INSC: variants seen among roughly 807,000 people sequenced by gnomAD.
INSC encodes the protein INSC spindle orientation adaptor protein.
Under a neutral mutation model 58.6 loss-of-function variants are expected in INSC, and 67 were observed. That is an observed-to-expected ratio of 1.14 (90% CI 0.94 to 1.40). INSC has a LOEUF of 1.40. Among genes scored for constraint, INSC ranks in the 40% most tolerant of loss-of-function variants. INSC has a pLI of 0.00. For missense variants in INSC, 714 were observed against 692.0 expected (o/e 1.03, Z -0.36); for synonymous variants, 262 against 276.1 (o/e 0.95, Z 0.51).
chr11:15,221,154 T>C (rs1045764080), intron 7 of INSC, among the ~76,000 whole-genome samples: 4 of 152,016 alleles, frequency 2.6e-5, no homozygotes, highest in African/African-American at 9.7e-5. Context: ...TAAGTGACTG[T>C]TCTTTCTATG....
chr11:15,237,276 G>C (rs1852167629), intron 10 of INSC, among the ~76,000 whole-genome samples: 1 of 152,218 alleles, frequency 6.6e-6, no homozygotes, highest in Admixed American at 6.5e-5. Context: ...TAATGCAACA[G>C]AGGGAGGTTG....
At chr11:15,250,408 G>A (rs1285660457), downstream of INSC, among the ~76,000 whole-genome samples, 1 of 152,208 alleles carries the variant, frequency 6.6e-6, no homozygotes, top group East Asian at 1.9e-4. Flanking sequence ...CTGTGCAAAT[G>A]TAAGTTGTTG....
chr11:15,236,055 C>CAAA (rs66649068), intron 10 of INSC, among the ~76,000 whole-genome samples: 32 of 99,026 alleles, frequency 3.2e-4, no homozygotes, highest in Non-Finnish European at 4.3e-4. Context: ...GACTCTGTCT[C>CAAA]AAAAAAAAAA....
At chr11:15,258,865 A>AT in the INSC span, among the ~76,000 whole-genome samples, 1,310 of 152,310 alleles carry the variant, frequency 8.6e-3, 20 homozygotes, top group African/African-American at 0.03. Flanking sequence ...CTAGGGTATA[A>AT]TTAACAATCA....
chr11:15,247,506 T>C (rs1184586840), downstream of INSC, among the ~76,000 whole-genome samples: 2 of 152,102 alleles, frequency 1.3e-5, no homozygotes, highest in Non-Finnish European at 2.9e-5. Flanking sequence ...ATTATTACGA[T>C]AGAAAACACT....
At chr11:15,208,775 G>C (rs918621740) in intron 7 of INSC, among the ~76,000 whole-genome samples, 1 of 152,190 alleles carries the variant, frequency 6.6e-6, no homozygotes, top group Non-Finnish European at 1.5e-5. Flanking sequence ...ATCCGCAGAG[G>C]CTCGGTGGGA....
At chr11:15,167,379 T>C (rs1849237038) in intron 2 of INSC, among the ~76,000 whole-genome samples, 1 of 152,118 alleles carries the variant, frequency 6.6e-6, no homozygotes, top group Non-Finnish European at 1.5e-5. Context: ...ATTTGTTCTA[T>C]GTTTTCTTCT....
At chr11:15,171,653 T>G (rs1298055747) in intron 2 of INSC, among the ~76,000 whole-genome samples, 1 of 152,206 alleles carries the variant, frequency 6.6e-6, no homozygotes, top group Non-Finnish European at 1.5e-5. Flanking sequence ...AGATCCTTAC[T>G]CTAAGAAGAA....
At chr11:15,175,707 T>A in intron 2 of INSC, 34 bp from the exon 3 acceptor site, 3 of 1,484,498 alleles carry the variant, frequency 2.0e-6, no homozygotes, top group Middle Eastern at 1.8e-4. Context: ...CATGGGGTGT[T>A]GATAATTATC....
At chr11:15,262,438 T>C in the INSC span, among the ~76,000 whole-genome samples, 4 of 152,222 alleles carry the variant, frequency 2.6e-5, no homozygotes, top group South Asian at 6.2e-4. Context: ...CTGGACATAC[T>C]GAGTCCGAAG....
chr11:15,122,804 A>G (rs1334397097), intron 1 of INSC, among the ~76,000 whole-genome samples: 1 of 152,114 alleles, frequency 6.6e-6, no homozygotes, highest in East Asian at 1.9e-4. Flanking sequence ...TTATATCCAC[A>G]CTGGCTCCCC....
At position 15,243,302 on chromosome 11, in the gene INSC, G is replaced by C. The variant is rs78446590; in HGVS notation, c.1471-2610G>C. On this transcript the variant is annotated intron_variant, in intron 12 of 12. Coordinates refer to ENST00000379556, the MANE Select transcript of INSC (RefSeq NM_001042536.3). ...CCCAAGGCGTTTCCCAGCTTCAAAG[G>C]CTCCCTTCAGGTAGAGGGAGGAAGT... is the stretch of plus-strand genomic sequence containing the variant. Among the ~76,000 whole-genome samples the C allele has an allele frequency of 6.2e-3, 951 of 152,236 alleles. 8 individuals carry two copies. The highest frequency in any genetic ancestry group is 0.022 in the African/African-American group (901 of 41,548).
chr11:15,147,638 G>A (rs1466659065), intron 1 of INSC, among the ~76,000 whole-genome samples: 1 of 152,034 alleles, frequency 6.6e-6, no homozygotes, highest in Admixed American at 6.5e-5. Context: ...CTATGTGCCT[G>A]GCCCTTGGCT....
At chr11:15,229,372 T>C (rs1851759775) in intron 9 of INSC, among the ~76,000 whole-genome samples, 1 of 152,210 alleles carries the variant, frequency 6.6e-6, no homozygotes, top group Non-Finnish European at 1.5e-5. Flanking sequence ...GTCTCACATC[T>C]CAAAATCTCT....
intron 1 of INSC, among the ~76,000 whole-genome samples, chr11:15,146,548 C>CA (rs991685431): frequency 3.9e-5 from 6 of 152,112 alleles, no homozygotes; most frequent in African/African-American, 1.4e-4. Flanking sequence ...AGCTATGGGT[C>CA]AAAAAGATGA....
At chr11:15,195,644 C>T (rs1850344926) in intron 6 of INSC, among the ~76,000 whole-genome samples, 1 of 152,182 alleles carries the variant, frequency 6.6e-6, no homozygotes, top group African/African-American at 2.4e-5. Context: ...TGTTTGACCT[C>T]CTGCAGATTT....
At chr11:15,268,437 T>A in the INSC span, among the ~76,000 whole-genome samples, 1 of 152,086 alleles carries the variant, frequency 6.6e-6, no homozygotes, top group Admixed American at 6.6e-5. Flanking sequence ...GACTGTTCCA[T>A]TTAAATAGAT....
intron 7 of INSC, among the ~76,000 whole-genome samples, chr11:15,209,949 AG>A (rs1278975445): frequency 2.0e-5 from 3 of 152,218 alleles, no homozygotes; most frequent in Admixed American, 2.0e-4. Flanking sequence ...ATTTGCCCTG[AG>A]CCCCTGTTTG....
chr11:15,159,618 A>G (rs1283641014), intron 2 of INSC, among the ~76,000 whole-genome samples: 1 of 152,234 alleles, frequency 6.6e-6, no homozygotes, highest in Admixed American at 6.5e-5. Flanking sequence ...AGCCTAAAGC[A>G]GTTTAACATA....
Sources: allele counts gnomAD v4.1 joint callset (sites outside exome capture counted in the v4.1 genomes callset), GRCh38; gene constraint gnomAD v4.1.1; transcripts MANE v1.5; gene names NCBI Gene and HGNC (gene_info 2026-07-23, HGNC 2026-07-21).